NEK7: variants seen among roughly 807,000 people sequenced by gnomAD.
NEK7 encodes NIMA related kinase 7, also known as serine/threonine-protein kinase Nek7.
NEK7 carries 18 observed loss-of-function variants against 44.6 expected under a neutral mutation model. That is an observed-to-expected ratio of 0.40 (90% CI 0.28 to 0.60). The LOEUF (loss-of-function observed/expected upper bound fraction) is 0.60. Among genes scored for constraint, NEK7 ranks in the 20% least tolerant of loss-of-function variants. The pLI, the probability that NEK7 is intolerant of heterozygous loss-of-function variation, is 0.38. For missense variants in NEK7, 256 were observed against 366.5 expected (o/e 0.70, Z 2.46); for synonymous variants, 130 against 121.1 (o/e 1.07, Z -0.48).
chr1:198,321,778 T>C lies in NEK7; in HGVS notation c.*2256T>C, dbSNP rs746820645. 7.9e-5 allele frequency: 12 copies of C among 152,176 alleles called. No individual in the cohort carries two copies. Among genetic ancestry groups the C allele is most frequent in the Middle Eastern group, 3.2e-3 (1 of 314 alleles). The allele number at this position is 152,176 out of a possible 1,614,324, so 9.4% of individuals were successfully genotyped here. A position where few individuals can be genotyped will look rare whatever the true frequency, so the allele number is the denominator to read the frequency against. The stretch of plus-strand genomic sequence containing the variant: ...TAATTTCAAAGAACTATGAAGATGA[T>C]TTGAAGCTCTAATTTATATAGTCAC... On this transcript the variant is annotated 3_prime_UTR_variant, in exon 10 of 10. Transcript: ENST00000367385.
At chr1:198,191,986 C>G (rs902287912) in intron 1 of NEK7, among the ~76,000 whole-genome samples, 6 of 152,036 alleles carry the variant, frequency 3.9e-5, no homozygotes, top group African/African-American at 1.4e-4. Flanking sequence ...GCTTCAATTG[C>G]CCTTTCAATA....
At chr1:198,157,655 G>A (rs983736984) in intron 1 of NEK7, among the ~76,000 whole-genome samples, 3 of 152,200 alleles carry the variant, frequency 2.0e-5, no homozygotes, top group African/African-American at 7.2e-5. Flanking sequence ...TGGCGACGTC[G>A]GTTATTTATC....
chr1:198,184,533 T>C (rs1664860175), intron 1 of NEK7, among the ~76,000 whole-genome samples: 1 of 152,224 alleles, frequency 6.6e-6, no homozygotes, highest in Non-Finnish European at 1.5e-5. Flanking sequence ...TGACTGATGT[T>C]TGATTTAATA....
chr1:198,199,889 A>T (rs2884765), intron 1 of NEK7, among the ~76,000 whole-genome samples: 1 of 151,978 alleles, frequency 6.6e-6, no homozygotes, highest in Admixed American at 6.5e-5. Context: ...TTGTTTTTCA[A>T]TTCGAGCTTT....
At chr1:198,238,527 C>T (rs1290228224) in intron 2 of NEK7, among the ~76,000 whole-genome samples, 1 of 152,200 alleles carries the variant, frequency 6.6e-6, no homozygotes, top group Non-Finnish European at 1.5e-5. Context: ...ACTGCTGCTA[C>T]CATCAGTGTT....
At chr1:198,294,983 T>G (rs1571611534) in intron 8 of NEK7, among the ~76,000 whole-genome samples, 1 of 152,110 alleles carries the variant, frequency 6.6e-6, no homozygotes. Flanking sequence ...TATTTTGTAT[T>G]GTACCCACTA....
chr1:198,228,582 A>C (rs1666295422), intron 1 of NEK7, among the ~76,000 whole-genome samples: 1 of 152,076 alleles, frequency 6.6e-6, no homozygotes. Flanking sequence ...GAGGTCCTTC[A>C]CGTCCCTTGT....
At chr1:198,191,814 TGTGTGTAC>T (rs1292306968) in intron 1 of NEK7, among the ~76,000 whole-genome samples, 2 of 152,118 alleles carry the variant, frequency 1.3e-5, no homozygotes, top group African/African-American at 4.8e-5. Context: ...TTTGTTTCTG[TGTGTGTAC>T]GTGTGTATGT....
intron 9 of NEK7, among the ~76,000 whole-genome samples, chr1:198,310,904 T>C (rs1655162373): frequency 6.7e-6 from 1 of 150,110 alleles, no homozygotes; most frequent in African/African-American, 2.5e-5. Flanking sequence ...TCGCTTAGGA[T>C]TGACTTGGCG....
rs191488775 is a variant in NEK7, at chr1:198,292,648, T to C, written c.590-297T>C. ...CCAACATGAATCATTTAAGTAGGTATTCTTGGCAGAATTACTTTTTTTCCC... is the reference window on the plus strand; with the variant it reads ...CCAACATGAATCATTTAAGTAGGTACTCTTGGCAGAATTACTTTTTTTCCC... On this transcript the variant is annotated intron_variant, in intron 7 of 9. Transcript: ENST00000367385. 8.5e-5 allele frequency among the ~76,000 whole-genome samples: 13 copies of C among 152,146 alleles called. No individual in the cohort carries two copies. The East Asian group carries it at 2.5e-3, about 29-fold the overall frequency.
chr1:198,170,837 T>A (rs2102718392), intron 1 of NEK7, among the ~76,000 whole-genome samples: 1 of 152,328 alleles, frequency 6.6e-6, no homozygotes, highest in East Asian at 1.9e-4. Context: ...TATGATCTCT[T>A]TATTTGGTTT....
chr1:198,240,716 G>A (rs528432264), intron 2 of NEK7, among the ~76,000 whole-genome samples: 1 of 152,268 alleles, frequency 6.6e-6, no homozygotes, highest in African/African-American at 2.4e-5. Context: ...TTGAGACGGA[G>A]TCCTGCTCTG....
chr1:198,282,261 T>C (rs1654225032), intron 7 of NEK7, among the ~76,000 whole-genome samples: 1 of 152,052 alleles, frequency 6.6e-6, no homozygotes, highest in South Asian at 2.1e-4. Context: ...CACTATCTGA[T>C]TGTGTTACTT....
At chr1:198,258,173 C>T (rs920568445) in intron 3 of NEK7, among the ~76,000 whole-genome samples, 1 of 152,158 alleles carries the variant, frequency 6.6e-6, no homozygotes, top group Non-Finnish European at 1.5e-5. Context: ...GGCACGGTGA[C>T]TCAACGCCTG....
At chr1:198,177,529 G>C (rs1458586353) in intron 1 of NEK7, among the ~76,000 whole-genome samples, 1 of 152,036 alleles carries the variant, frequency 6.6e-6, no homozygotes, top group African/African-American at 2.4e-5. Context: ...TAAGAGTTTG[G>C]GAAAGGGACA....
intron 5 of NEK7, among the ~76,000 whole-genome samples, chr1:198,277,459 T>C (rs991947774): frequency 4.0e-5 from 6 of 151,882 alleles, no homozygotes; most frequent in African/African-American, 1.2e-4. Context: ...AGTAGAAATA[T>C]TCATGAAAAC....
At chr1:198,174,075 G>A (rs79482791) in intron 1 of NEK7, among the ~76,000 whole-genome samples, 3,877 of 152,264 alleles carry the variant, frequency 0.025, 164 homozygotes, top group African/African-American at 0.089. Context: ...GGCAGAGTTT[G>A]GTGAGAAAGC....
intron 2 of NEK7, among the ~76,000 whole-genome samples, chr1:198,246,890 AT>A (rs1210257308): frequency 2.0e-5 from 3 of 152,242 alleles, no homozygotes; most frequent in Non-Finnish European, 4.4e-5. Flanking sequence ...TGGGAGAAGG[AT>A]TTATACTTAT....
intron 3 of NEK7, among the ~76,000 whole-genome samples, chr1:198,256,974 G>A (rs1653288405): frequency 1.3e-5 from 2 of 152,168 alleles, no homozygotes; most frequent in African/African-American, 4.8e-5. Context: ...TGTTACAGTA[G>A]TGTGAATTTT....
Sources: gnomAD v4.1 joint callset for allele counts (sites outside exome capture counted in the v4.1 genomes callset) on GRCh38, gnomAD v4.1.1 for gene constraint, MANE v1.5 for transcripts, NCBI Gene and HGNC (gene_info 2026-07-23, HGNC 2026-07-21) for gene names.